RPGR: variants seen among roughly 807,000 people sequenced by gnomAD.
RPGR encodes retinitis pigmentosa GTPase regulator, also known as X-linked retinitis pigmentosa GTPase regulator.
Under a neutral mutation model 56.3 loss-of-function variants are expected in RPGR, and 10 were observed. That is an observed-to-expected ratio of 0.18 (90% CI 0.11 to 0.30). The LOEUF is 0.30. Ranked by LOEUF, RPGR falls within the 10% of genes least tolerant of loss-of-function variation. The probability of loss-of-function intolerance (pLI) is 1.00; values close to 1 mark genes in which losing one functional copy is unlikely to be tolerated. For synonymous variants in RPGR, 197 were observed against 212.9 expected (o/e 0.93, Z 0.65); for missense variants, 538 against 590.9 (o/e 0.91, Z 0.93).
intron 4 of RPGR, among the ~76,000 whole-genome samples, chrX:38,320,409 T>C (rs1044500436): frequency 3.6e-5 from 4 of 112,195 alleles, no homozygotes; most frequent in African/African-American, 9.7e-5. Context: ...CTTGGCATCT[T>C]TGCCAAAAAT....
intron 7 of RPGR, among the ~76,000 whole-genome samples, chrX:38,308,513 C>CTAT (rs200265397): frequency 0.029 from 3,256 of 111,413 alleles, 63 homozygotes; most frequent in Middle Eastern, 0.047. Flanking sequence ...GTTAAAGACA[C>CTAT]TATTATACAA....
chrX:38,324,886 T>A (rs2068016053), intron 1 of RPGR, among the ~76,000 whole-genome samples: 1 of 106,478 alleles, frequency 9.4e-6, no homozygotes, highest in Non-Finnish European at 1.9e-5. Flanking sequence ...TTTAAAAATG[T>A]CGGCCGGGAG....
chrX:38,319,676 G>A, intron 4 of RPGR, among the ~76,000 whole-genome samples: 2 of 112,040 alleles, frequency 1.8e-5, no homozygotes, highest in Middle Eastern at 9.2e-3. Context: ...AATTAGTTGA[G>A]ATTTGTAAAA....
intron 13 of RPGR, among the ~76,000 whole-genome samples, chrX:38,289,994 A>G (rs185020512): frequency 4.5e-5 from 5 of 111,989 alleles, no homozygotes; most frequent in East Asian, 5.6e-4. Flanking sequence ...AAATCAGTCA[A>G]TATTCATTGA....
chrX:38,269,884 A>C, intron 18 of RPGR: 1 of 899,911 alleles, frequency 1.1e-6, no homozygotes, highest in Non-Finnish European at 1.6e-6. Flanking sequence ...TGAAACATTC[A>C]CTTAACAGTA....
intron 15 of RPGR, among the ~76,000 whole-genome samples, chrX:38,281,786 G>T (rs2067037860): frequency 8.9e-6 from 1 of 111,782 alleles, no homozygotes; most frequent in African/African-American, 3.3e-5. Flanking sequence ...ACTTTTCTAG[G>T]TGTCCACACA....
chrX:38,279,439 T>C (rs2066990666), intron 15 of RPGR, among the ~76,000 whole-genome samples: 2 of 110,384 alleles, frequency 1.8e-5, no homozygotes, highest in South Asian at 7.7e-4. Flanking sequence ...ACACTTTTCA[T>C]ATTTCTTAAG....
In RPGR at chrX:38,304,704, T is replaced by G. The variant is rs62640587; in HGVS notation, c.865A>C (p.Ile289Leu). 8.3e-7 allele frequency: 1 copy of G among 1,201,824 alleles called. No homozygotes were observed. Among genetic ancestry groups the G allele is most frequent in the African/African-American group, 1.8e-5 (1 of 57,028 alleles). The stretch of plus-strand genomic sequence containing the variant: ...ATTGTTTGATCCCTAATATTCTCAA[T>G]GACTTTGGGTTCTGAAGTTTCAAAA... Residue 289 changes from isoleucine (I) to leucine (L), a missense_variant, in exon 8 of 19, where the codon ATT (isoleucine) becomes CTT (leucine). Ile to Leu is a conservative substitution (Grantham distance 5). Around this residue, in one of 2 missense-constraint regions of RPGR, gnomAD observed 181 missense variants for 265.1 expected, o/e 0.68. Coordinates refer to ENST00000642395, the MANE Select transcript of RPGR (RefSeq NM_000328.3).
intron 7 of RPGR, among the ~76,000 whole-genome samples, chrX:38,309,982 TTTTC>T (rs2067681560): frequency 9.0e-6 from 1 of 111,599 alleles, no homozygotes; most frequent in African/African-American, 3.3e-5. Flanking sequence ...TTTTGTTTGT[TTTTC>T]TTTTTGTTTT....
chrX:38,279,938 C>T (rs764963944), intron 15 of RPGR, among the ~76,000 whole-genome samples: 1 of 109,970 alleles, frequency 9.1e-6, no homozygotes, highest in Admixed American at 9.7e-5. Context: ...AAAAGTTAAC[C>T]TGTAAGTTCA....
At chrX:38,296,348 A>T (rs2067384652) in intron 11 of RPGR, among the ~76,000 whole-genome samples, 1 of 111,826 alleles carries the variant, frequency 8.9e-6, no homozygotes, top group Non-Finnish European at 1.9e-5. Context: ...TACTTTAAAA[A>T]ATATATGTGT....
intron 15 of RPGR, chrX:38,284,455 C>A: frequency 1.5e-5 from 11 of 751,112 alleles, no homozygotes; most frequent in Non-Finnish European, 1.7e-5. Context: ...AAGGAACAGA[C>A]AAACTGAAAT....
Position 38,287,170 on chromosome X carries a change from T to C in RPGR, c.1829A>G (p.Glu610Gly). Reference sequence around the variant, plus strand: ...TCCTCCATGCACCTTCACATTTTCCTCATTTGCTTCTACCTCTTGCTCCTC... The same window carrying C: ...TCCTCCATGCACCTTCACATTTTCCCCATTTGCTTCTACCTCTTGCTCCTC... The change falls in exon 15 of 19, where the codon GAG (glutamate) becomes GGG (glycine). Residue 610 changes from glutamate (E) to glycine (G), a missense_variant. Transcript: ENST00000642395. The C allele has an allele frequency of 8.3e-7, 1 of 1,211,367 alleles. No homozygotes were observed. The highest frequency in any genetic ancestry group is 1.1e-6 in the Non-Finnish European group (1 of 895,512).
intron 3 of RPGR, 31 bp from the exon 4 acceptor site, chrX:38,321,120 T>C: frequency 9.5e-7 from 1 of 1,053,209 alleles, no homozygotes; most frequent in African/African-American, 1.8e-5. Context: ...ACAATTATTT[T>C]ATAGCAATGA....
rs181166429 is a variant in RPGR at position 38,293,548 on chromosome X, T to C, written c.1415-2064A>G. On this transcript the variant is annotated intron_variant, in intron 11 of 18. Coordinates refer to ENST00000642395, the MANE Select transcript of RPGR (RefSeq NM_000328.3). ...GACACTGGAGCACATGGAAACTGAATTGCACCTGAGGAAGATCAATGTGGA... is the reference window on the plus strand; with the variant it reads ...GACACTGGAGCACATGGAAACTGAACTGCACCTGAGGAAGATCAATGTGGA... Among the ~76,000 whole-genome samples the C allele has an allele frequency of 1.3e-3, 151 of 112,058 alleles. 1 individual carries two copies. Among genetic ancestry groups the C allele is most frequent in the African/African-American group, 4.1e-3 (127 of 30,895 alleles).
intron 8 of RPGR, 141 bp downstream of exon 8, chrX:38,304,494 T>C: frequency 2.1e-6 from 1 of 484,196 alleles, no homozygotes; most frequent in Non-Finnish European, 3.5e-6. Context: ...CTTTATACTT[T>C]GGAATAGTAA....
In RPGR at chrX:38,319,007, C is replaced by T. The variant is rs763152981; in HGVS notation, c.311-20G>A. ...CTCCTTCTGCACATGGAAAAGAAAA[C>T]GTCAATAGACTATAGAGTCCCCCTT... On this transcript the variant is annotated intron_variant, in intron 4 of 18. Transcript: ENST00000642395. 15 of 1,205,903 alleles carry T rather than the reference C, an allele frequency of 1.2e-5. No individual in the cohort carries two copies. The highest frequency in any genetic ancestry group is 8.7e-5 in the African/African-American group (5 of 57,291).
Position 38,297,374 on chromosome X carries a change from G to C in RPGR, c.1324C>G (p.Leu442Val). The C allele has an allele frequency of 8.3e-7, 1 of 1,209,316 alleles. No individual in the cohort carries two copies. The highest frequency in any genetic ancestry group is 1.8e-5 in the South Asian group (1 of 56,869). ...CATCGTGGAAAGACTGAATTGGGGA[G>C]AAAACAAGCAGAAAGGCCAAGAGTC... Residue 442 changes from leucine (L) to valine (V), a missense_variant, in exon 11 of 19, where the codon CTC (leucine) becomes GTC (valine). Coordinates refer to ENST00000642395, the MANE Select transcript of RPGR (RefSeq NM_000328.3).
At chrX:38,276,480 G>A (rs964544845) in intron 16 of RPGR, 19 of 748,960 alleles carry the variant, frequency 2.5e-5, no homozygotes, top group Non-Finnish European at 3.9e-5. Flanking sequence ...ATGTATTCAT[G>A]GGAGTATTTC....
Sources: gnomAD v4.1 joint callset for allele counts (sites outside exome capture counted in the v4.1 genomes callset) on GRCh38, gnomAD v4.1.1 for gene constraint, gnomAD v4.1.1 regional missense constraint, MANE v1.5 for transcripts, NCBI Gene and HGNC (gene_info 2026-07-23, HGNC 2026-07-21) for gene names.